Variants in SPECC1L observed in about 807,000 individuals in gnomAD.
SPECC1L encodes the protein cytospin-A.
SPECC1L carries 40 observed loss-of-function variants against 116.8 expected under a neutral mutation model. The observed-to-expected ratio is 0.34, with a 90% CI of 0.27 to 0.45. The LOEUF (loss-of-function observed/expected upper bound fraction) is 0.45, where lower values mean the gene tolerates loss of function less well. Among genes scored for constraint, SPECC1L ranks in the 20% least tolerant of loss-of-function variants. The pLI is 1.00. For missense variants in SPECC1L, 1,110 were observed against 1,373.6 expected (o/e 0.81, Z 3.03); for synonymous variants, 504 against 500.6 (o/e 1.01, Z -0.09).
In SPECC1L at chr22:24,414,554, G is replaced by A; in HGVS notation, c.3285G>A (p.Arg1095=). ...KSTLDINEMV[R]TERPDWQNVM... is the part of the protein sequence containing the mutation. ...GTCAGGACATTAATGAAATGGTACG[G>A]ACTGAACGACCCGACTGGCAGAACG... The change falls in exon 17 of 17, where the codon CGG becomes CGA. Residue 1095 remains arginine (R), a synonymous_variant. Coordinates refer to ENST00000314328, the MANE Select transcript of SPECC1L (RefSeq NM_015330.6). 6.2e-7 allele frequency: 1 copy of A among 1,613,982 alleles called. No homozygotes were observed. The highest frequency in any genetic ancestry group is 8.5e-7 in the Non-Finnish European group (1 of 1,179,958).
At chr22:24,320,183 G>A (rs992323146) in intron 4 of SPECC1L, among the ~76,000 whole-genome samples, 14 of 152,328 alleles carry the variant, frequency 9.2e-5, no homozygotes, top group African/African-American at 3.4e-4. Flanking sequence ...GGCCTAGGAA[G>A]GAGAATCGCT....
chr22:24,387,742 A>G (rs2042187454), intron 14 of SPECC1L, among the ~76,000 whole-genome samples: 1 of 152,222 alleles, frequency 6.6e-6, no homozygotes, highest in Non-Finnish European at 1.5e-5. Flanking sequence ...AATTACTACA[A>G]ATGTAGTAGC....
chr22:24,284,964 A>T (rs943039447), intron 2 of SPECC1L, among the ~76,000 whole-genome samples: 14 of 152,168 alleles, frequency 9.2e-5, no homozygotes, highest in Admixed American at 6.5e-5. Flanking sequence ...TCAAAGGAAA[A>T]GTAAGTGTAA....
intron 14 of SPECC1L, among the ~76,000 whole-genome samples, chr22:24,369,524 C>G (rs2041834675): frequency 6.6e-6 from 1 of 152,070 alleles, no homozygotes; most frequent in Admixed American, 6.5e-5. Context: ...TGGCAAAACC[C>G]TGTCTCTACA....
At chr22:24,394,123 G>T (rs2042322425) in intron 14 of SPECC1L, among the ~76,000 whole-genome samples, 2 of 152,102 alleles carry the variant, frequency 1.3e-5, no homozygotes. Context: ...ATTGCTTATT[G>T]TAAGCAAAAC....
At chr22:24,407,044 C>A (rs1035689645) in intron 14 of SPECC1L, among the ~76,000 whole-genome samples, 1 of 152,170 alleles carries the variant, frequency 6.6e-6, no homozygotes, top group Non-Finnish European at 1.5e-5. Context: ...AGCCAGTGGG[C>A]GCTCAAGCTT....
chr22:24,321,697 G>A lies in SPECC1L; in HGVS notation c.717G>A (p.Val239=). The part of the protein sequence containing the change: ...ETIMAHQPTD[V]ESTLLQLQEQ... ...TTATGGCTCACCAGCCGACTGATGTGGAGTCCACTTTATTGCAGTTGCAGG... is the reference window on the plus strand; with the variant it reads ...TTATGGCTCACCAGCCGACTGATGTAGAGTCCACTTTATTGCAGTTGCAGG... Residue 239 remains valine (V), a synonymous_variant, in exon 5 of 17, where the codon GTG becomes GTA. Coordinates refer to ENST00000314328, the MANE Select transcript of SPECC1L (RefSeq NM_015330.6). The A allele has an allele frequency of 6.2e-7, 1 of 1,614,210 alleles. No homozygotes were observed. Among genetic ancestry groups the A allele is most frequent in the Non-Finnish European group, 8.5e-7 (1 of 1,180,044 alleles).
intron 14 of SPECC1L, among the ~76,000 whole-genome samples, chr22:24,376,355 T>TA (rs1230535112): frequency 6.6e-6 from 1 of 152,140 alleles, no homozygotes; most frequent in Non-Finnish European, 1.5e-5. Context: ...AGAATTCACA[T>TA]AAAAACTGTT....
chr22:24,319,553 A>T, intron 4 of SPECC1L, among the ~76,000 whole-genome samples: 1 of 152,202 alleles, frequency 6.6e-6, no homozygotes, highest in Admixed American at 6.5e-5. Flanking sequence ...ACTTTTCCTT[A>T]CATTTCTTTC....
intron 11 of SPECC1L, among the ~76,000 whole-genome samples, chr22:24,354,896 C>G (rs1269831800): frequency 6.6e-6 from 1 of 151,796 alleles, no homozygotes; most frequent in Non-Finnish European, 1.5e-5. Context: ...GTGATTCACC[C>G]ACGTCGGCCT....
chr22:24,409,074 C>T (rs1291745982), intron 14 of SPECC1L, among the ~76,000 whole-genome samples: 1 of 152,182 alleles, frequency 6.6e-6, no homozygotes, highest in Admixed American at 6.5e-5. Context: ...TAGGTCCTAA[C>T]AGTATATAAA....
At chr22:24,297,373 T>A (rs1356519804) in intron 2 of SPECC1L, among the ~76,000 whole-genome samples, 1 of 152,212 alleles carries the variant, frequency 6.6e-6, no homozygotes, top group East Asian at 1.9e-4. Flanking sequence ...GGAATTAGTC[T>A]AGACTTTGAA....
intron 4 of SPECC1L, among the ~76,000 whole-genome samples, chr22:24,319,279 G>T (rs999670567): frequency 6.6e-6 from 1 of 152,116 alleles, no homozygotes; most frequent in South Asian, 2.1e-4. Context: ...GGTGGAAGGG[G>T]TAGCAGGCAC....
chr22:24,282,321 C>T (rs2048959128), intron 2 of SPECC1L, among the ~76,000 whole-genome samples: 1 of 152,184 alleles, frequency 6.6e-6, no homozygotes, highest in Non-Finnish European at 1.5e-5. Flanking sequence ...GGTGCCCAGG[C>T]AAGAAGGAGG....
intron 9 of SPECC1L, among the ~76,000 whole-genome samples, chr22:24,337,501 A>T (rs2041084922): frequency 6.6e-6 from 1 of 152,138 alleles, no homozygotes; most frequent in Non-Finnish European, 1.5e-5. Flanking sequence ...AACTAGGTAG[A>T]GGTGATGGTT....
At chr22:24,298,216 A>G in intron 2 of SPECC1L, among the ~76,000 whole-genome samples, 1 of 152,182 alleles carries the variant, frequency 6.6e-6, no homozygotes, top group East Asian at 1.9e-4. Context: ...AAGTGGTCTG[A>G]GCATGTTTAA....
intron 3 of SPECC1L, among the ~76,000 whole-genome samples, chr22:24,306,020 C>T (rs1295294630): frequency 6.6e-6 from 1 of 152,076 alleles, no homozygotes; most frequent in Non-Finnish European, 1.5e-5. Context: ...ATTCTCCTGC[C>T]TCAGCCTCCC....
chr22:24,335,899 T>G (rs1238294554), intron 9 of SPECC1L, among the ~76,000 whole-genome samples: 1 of 152,122 alleles, frequency 6.6e-6, no homozygotes, highest in Non-Finnish European at 1.5e-5. Flanking sequence ...AATACTATCT[T>G]TACAGACTCT....
intron 3 of SPECC1L, among the ~76,000 whole-genome samples, chr22:24,310,530 A>C (rs2040442008): frequency 1.3e-5 from 2 of 152,194 alleles, no homozygotes; most frequent in African/African-American, 4.8e-5. Context: ...CATGTTTACC[A>C]ATCTGTTAAG....
Sources: gnomAD v4.1 joint callset for allele counts (sites outside exome capture counted in the v4.1 genomes callset) on GRCh38, gnomAD v4.1.1 for gene constraint, MANE v1.5 for transcripts, NCBI Gene and HGNC (gene_info 2026-07-23, HGNC 2026-07-21) for gene names.